PITPNC1: variants seen among roughly 807,000 people sequenced by gnomAD.
PITPNC1 encodes phosphatidylinositol transfer protein cytoplasmic 1.
A neutral mutation model predicts 44.7 loss-of-function variants in PITPNC1; 18 were observed. That is an observed-to-expected ratio of 0.40 (90% CI 0.28 to 0.60). PITPNC1 has a LOEUF of 0.60. Ranked by LOEUF, PITPNC1 falls within the 20% of genes least tolerant of loss-of-function variation. The pLI is 0.39. For missense variants in PITPNC1, 290 were observed against 418.4 expected (o/e 0.69, Z 2.68); for synonymous variants, 141 against 149.6 (o/e 0.94, Z 0.42).
intron 1 of PITPNC1, among the ~76,000 whole-genome samples, chr17:67,492,850 C>G (rs372788609): frequency 2.3e-4 from 35 of 152,272 alleles, no homozygotes; most frequent in African/African-American, 8.4e-4. Flanking sequence ...CTCACTGCTG[C>G]TTAGTTGTAG....
intron 1 of PITPNC1, among the ~76,000 whole-genome samples, chr17:67,395,664 A>G (rs182509437): frequency 1.4e-3 from 218 of 152,274 alleles, no homozygotes; most frequent in African/African-American, 5.1e-3. Flanking sequence ...TCCCACATGA[A>G]TCATCATTCG....
chr17:67,635,402 A>G (rs191794044), intron 6 of PITPNC1, among the ~76,000 whole-genome samples: 2 of 152,212 alleles, frequency 1.3e-5, no homozygotes, highest in African/African-American at 2.4e-5. Flanking sequence ...TGGGCAACTG[A>G]TAGATGGGGG....
intron 4 of PITPNC1, among the ~76,000 whole-genome samples, chr17:67,574,791 GA>G (rs1207352610): frequency 1.2e-4 from 18 of 152,176 alleles, no homozygotes; most frequent in African/African-American, 4.1e-4. Context: ...ATCCCAAGGG[GA>G]TTATCAGCCC....
intron 1 of PITPNC1, among the ~76,000 whole-genome samples, chr17:67,475,404 A>T (rs1329995756): frequency 2.0e-5 from 3 of 151,894 alleles, no homozygotes; most frequent in African/African-American, 7.3e-5. Context: ...GGTGTTTGGG[A>T]CTCTTACTCC....
At chr17:67,446,599 G>A (rs2039099142) in intron 1 of PITPNC1, among the ~76,000 whole-genome samples, 1 of 151,260 alleles carries the variant, frequency 6.6e-6, no homozygotes, top group African/African-American at 2.4e-5. Context: ...GAATCTCTTA[G>A]GAGGACAAAG....
intron 1 of PITPNC1, among the ~76,000 whole-genome samples, chr17:67,392,472 G>A (rs2038152880): frequency 1.3e-5 from 2 of 152,066 alleles, no homozygotes; most frequent in Non-Finnish European, 2.9e-5. Context: ...TCAAACTCCC[G>A]AGCTCAAGTG....
intron 1 of PITPNC1, among the ~76,000 whole-genome samples, chr17:67,464,256 C>G (rs370210925): frequency 1.2e-4 from 18 of 151,864 alleles, no homozygotes; most frequent in African/African-American, 3.9e-4. Flanking sequence ...TATAGACTGC[C>G]TTATGTTCAT....
intron 5 of PITPNC1, among the ~76,000 whole-genome samples, chr17:67,621,290 C>A (rs952610297): frequency 6.6e-5 from 10 of 151,598 alleles, no homozygotes; most frequent in African/African-American, 2.4e-4. Context: ...TCACTGTAAC[C>A]TCTGCCTCCC....
At chr17:67,421,030 AGGGTCCTTCTG>A (rs1171988837) in intron 1 of PITPNC1, among the ~76,000 whole-genome samples, 1 of 152,130 alleles carries the variant, frequency 6.6e-6, no homozygotes, top group Non-Finnish European at 1.5e-5. Context: ...GGGGATCTTT[AGGGTCCTTCTG>A]GGTGCAGAAG....
chr17:67,424,383 G>A (rs2038714653), intron 1 of PITPNC1, among the ~76,000 whole-genome samples: 1 of 152,090 alleles, frequency 6.6e-6, no homozygotes, highest in Admixed American at 6.6e-5. Context: ...CTGGCTGGGC[G>A]CAGTGGCTCA....
At chr17:67,615,843 T>G (rs563703175) in intron 5 of PITPNC1, among the ~76,000 whole-genome samples, 3 of 152,182 alleles carry the variant, frequency 2.0e-5, no homozygotes, top group Non-Finnish European at 4.4e-5. Flanking sequence ...GAAACCGTTC[T>G]GCGTCGCTGG....
At chr17:67,590,966 A>G (rs1395835534) in intron 5 of PITPNC1, among the ~76,000 whole-genome samples, 2 of 151,578 alleles carry the variant, frequency 1.3e-5, no homozygotes, top group Admixed American at 6.6e-5. Flanking sequence ...AAAAAAAAAA[A>G]GAAAGAAAGA....
chr17:67,517,083 G>T (rs1187964871), intron 1 of PITPNC1, among the ~76,000 whole-genome samples: 1 of 152,212 alleles, frequency 6.6e-6, no homozygotes, highest in African/African-American at 2.4e-5. Flanking sequence ...GTAATGTGAA[G>T]TTCAGCTCTT....
At chr17:67,631,657 A>AAAAAAAAT (rs1555574522) in intron 5 of PITPNC1, among the ~76,000 whole-genome samples, 1 of 7,682 alleles carries the variant, frequency 1.3e-4, no homozygotes, top group Non-Finnish European at 2.9e-4. Flanking sequence ...AAAAAAAAAA[A>AAAAAAAAT]ATATATATAT....
chr17:67,545,219 G>C (rs1291306797), intron 2 of PITPNC1, among the ~76,000 whole-genome samples: 1 of 152,004 alleles, frequency 6.6e-6, no homozygotes, highest in Non-Finnish European at 1.5e-5. Context: ...GGCTGAGGCA[G>C]GAGGACTGCT....
intron 4 of PITPNC1, among the ~76,000 whole-genome samples, chr17:67,577,467 A>G (rs181575879): frequency 1.8e-3 from 278 of 151,752 alleles, no homozygotes; most frequent in African/African-American, 6.4e-3. Flanking sequence ...AGGCTAAGGC[A>G]TGAGAATCAC....
intron 6 of PITPNC1, among the ~76,000 whole-genome samples, chr17:67,647,235 G>A (rs967482833): frequency 1.3e-5 from 2 of 151,808 alleles, no homozygotes; most frequent in African/African-American, 4.8e-5. Flanking sequence ...GCTTGGGTCT[G>A]TAAAAAAAAC....
At chr17:67,647,464 G>GTTTTTTTTGTTTTTTTTTTTT (rs2042162118) in intron 6 of PITPNC1, among the ~76,000 whole-genome samples, 5 of 72,360 alleles carry the variant, frequency 6.9e-5, no homozygotes, top group Middle Eastern at 9.8e-3. Flanking sequence ...CTAATTTTGG[G>GTTTTTTTTGTTTTTTTTTTTT]TTTTTTTTTT....
At chr17:67,397,388 A>T (rs765708158) in intron 1 of PITPNC1, among the ~76,000 whole-genome samples, 4 of 152,084 alleles carry the variant, frequency 2.6e-5, no homozygotes, top group Non-Finnish European at 4.4e-5. Context: ...TCTATTTTTC[A>T]TCTCCAGAAT....
Sources: allele counts gnomAD v4.1 joint callset (sites outside exome capture counted in the v4.1 genomes callset), GRCh38; gene constraint gnomAD v4.1.1; transcripts MANE v1.5; gene names NCBI Gene and HGNC (gene_info 2026-07-23, HGNC 2026-07-21).